EFCAB6: variants seen among roughly 807,000 people sequenced by gnomAD.
EFCAB6 encodes EF-hand calcium binding domain 6, also known as EF-hand calcium-binding domain-containing protein 6.
Under a neutral mutation model 169.8 loss-of-function variants are expected in EFCAB6, and 156 were observed. That is an observed-to-expected ratio of 0.92 (90% CI 0.81 to 1.05). EFCAB6 has a LOEUF of 1.05. EFCAB6 is among the 50% of genes least tolerant of loss of function. EFCAB6 has a pLI of 0.00. For missense variants in EFCAB6, 1,800 were observed against 1,829.1 expected (o/e 0.98, Z 0.29); for synonymous variants, 698 against 676.4 (o/e 1.03, Z -0.50).
chr22:43,609,431 C>A (rs544006092), intron 21 of EFCAB6, among the ~76,000 whole-genome samples: 1 of 152,226 alleles, frequency 6.6e-6, no homozygotes, highest in East Asian at 1.9e-4. Flanking sequence ...AAAGAATCCA[C>A]AAATAAATTA....
intron 25 of EFCAB6, 107 bp downstream of exon 25, chr22:43,580,357 C>T: frequency 8.2e-7 from 1 of 1,226,994 alleles, no homozygotes; most frequent in Non-Finnish European, 1.2e-6. Context: ...TAACTAGACA[C>T]CCCAAGGAGA....
chr22:43,765,265 T>C, intron 5 of EFCAB6, 40 bp downstream of exon 5: 1 of 1,516,592 alleles, frequency 6.6e-7, no homozygotes, highest in Non-Finnish European at 9.1e-7. Flanking sequence ...ACTCATCATT[T>C]CAAATTTCAC....
chr22:43,779,480 GCCT>G, intron 3 of EFCAB6, among the ~76,000 whole-genome samples: 1 of 152,328 alleles, frequency 6.6e-6, no homozygotes, highest in Non-Finnish European at 1.5e-5. Flanking sequence ...GGTGGCTCAT[GCCT>G]GTAATCCCAG....
intron 5 of EFCAB6, among the ~76,000 whole-genome samples, chr22:43,756,149 C>T (rs1022695822): frequency 1.3e-5 from 2 of 150,960 alleles, no homozygotes; most frequent in Non-Finnish European, 2.9e-5. Flanking sequence ...CCATTTAAGC[C>T]TCTCAACAGC....
At chr22:43,560,967 C>T (rs2048992611) in intron 26 of EFCAB6, among the ~76,000 whole-genome samples, 1 of 152,170 alleles carries the variant, frequency 6.6e-6, no homozygotes, top group South Asian at 2.1e-4. Context: ...AGGTGCTGGG[C>T]ACCTATCAGC....
At chr22:43,591,124 GTT>G (rs1169720525) in intron 23 of EFCAB6, among the ~76,000 whole-genome samples, 3 of 114,154 alleles carry the variant, frequency 2.6e-5, no homozygotes, top group Admixed American at 9.3e-5. Context: ...TTTTTTTTTT[GTT>G]TTTTTTTTGT....
chr22:43,568,071 C>T (rs986956845), intron 26 of EFCAB6, among the ~76,000 whole-genome samples: 2 of 152,188 alleles, frequency 1.3e-5, no homozygotes, highest in Non-Finnish European at 2.9e-5. Flanking sequence ...ACCCCCACTC[C>T]TGAAGAAGCT....
Position 43,572,232 on chromosome 22 carries a change from GA to G in EFCAB6, c.3420+4064del, listed in dbSNP as rs1012946829. On this transcript the variant is annotated intron_variant, in intron 26 of 31. Coordinates refer to ENST00000262726, the MANE Select transcript of EFCAB6 (RefSeq NM_022785.4). The surrounding 1 kb of genome is among the most constrained non-coding windows in gnomAD (Gnocchi z 4.0). ...AGGTGAAGGCAACTCTTTGTGATGC[GA>G]ACTGGGCAGAACTAACCAATGTTGC... Among the ~76,000 whole-genome samples the G allele has an allele frequency of 6.6e-6, 1 of 152,154 alleles. No individual in the cohort carries two copies. Among genetic ancestry groups the G allele is most frequent in the Non-Finnish European group, 1.5e-5 (1 of 68,026 alleles).
At chr22:43,764,554 C>T (rs2061267474) in intron 5 of EFCAB6, among the ~76,000 whole-genome samples, 1 of 152,080 alleles carries the variant, frequency 6.6e-6, no homozygotes, top group African/African-American at 2.4e-5. Context: ...TGGGTATATA[C>T]CTAGTAATGG....
At position 43,731,818 on chromosome 22, in the gene EFCAB6, TAC is replaced by T. The variant is rs1569451664; in HGVS notation, c.645-9_645-8del. The T allele has an allele frequency of 5.2e-6, 8 of 1,533,962 alleles. No homozygotes were observed. Among genetic ancestry groups the T allele is most frequent in the Non-Finnish European group, 7.0e-6 (8 of 1,137,916 alleles). ...GTTGTAGTGTTTCGAAAACCTAAAA[TAC>T]AAATGTTCTTTAGTAATGAGAAATT... On this transcript the variant is annotated splice_region_variant and splice_polypyrimidine_tract_variant and intron_variant, in intron 7 of 31. Coordinates refer to ENST00000262726, the MANE Select transcript of EFCAB6 (RefSeq NM_022785.4).
At chr22:43,577,125 G>A (rs1331185517) in intron 25 of EFCAB6, among the ~76,000 whole-genome samples, 2 of 152,196 alleles carry the variant, frequency 1.3e-5, no homozygotes, top group Non-Finnish European at 2.9e-5. Context: ...GTCTGCACTG[G>A]AGCAGCGGGG....
chr22:43,659,617 G>A (rs911259122), intron 17 of EFCAB6, among the ~76,000 whole-genome samples: 2 of 151,958 alleles, frequency 1.3e-5, no homozygotes, highest in Non-Finnish European at 2.9e-5. Context: ...CCCTGATCAC[G>A]CCACTGCATT....
At chr22:43,687,185 T>C (rs1213509646) in intron 11 of EFCAB6, among the ~76,000 whole-genome samples, 2 of 152,228 alleles carry the variant, frequency 1.3e-5, no homozygotes, top group Non-Finnish European at 2.9e-5. Context: ...TTGTGGTCCA[T>C]AGCTGTCTCC....
chr22:43,621,713 A>T (rs1175629175), intron 20 of EFCAB6, among the ~76,000 whole-genome samples: 1 of 152,158 alleles, frequency 6.6e-6, no homozygotes, highest in Admixed American at 6.5e-5. Flanking sequence ...AATAAAATTG[A>T]AATCAGAAAA....
At chr22:43,653,652 C>T (rs906641678) in intron 17 of EFCAB6, among the ~76,000 whole-genome samples, 2 of 152,150 alleles carry the variant, frequency 1.3e-5, no homozygotes, top group Non-Finnish European at 1.5e-5. Context: ...CCATGATCAG[C>T]TTACCTGGAG....
In EFCAB6 at chr22:43,539,707, G is replaced by A. The variant is rs146806706; in HGVS notation, c.3879+420C>T. Reference sequence around the variant, plus strand: ...CACGTCTGAGGGACCAAGATCACATGAGAATGCCTCTTAGAGCCTCACTGT... The same window carrying A: ...CACGTCTGAGGGACCAAGATCACATAAGAATGCCTCTTAGAGCCTCACTGT... On this transcript the variant is annotated intron_variant, in intron 28 of 31. Coordinates refer to ENST00000262726, the MANE Select transcript of EFCAB6 (RefSeq NM_022785.4). Among the ~76,000 whole-genome samples the A allele has an allele frequency of 2.4e-3, 366 of 152,336 alleles. 1 individual carries two copies. The highest frequency in any genetic ancestry group is 0.014 in the Middle Eastern group (4 of 294).
At chr22:43,548,738 G>C (rs1160390248) in intron 27 of EFCAB6, among the ~76,000 whole-genome samples, 1 of 151,970 alleles carries the variant, frequency 6.6e-6, no homozygotes, top group Non-Finnish European at 1.5e-5. Context: ...TCTTAGTGAT[G>C]GATGGGCCAA....
chr22:43,698,625 G>A (rs143776339), intron 10 of EFCAB6, among the ~76,000 whole-genome samples: 2 of 152,278 alleles, frequency 1.3e-5, no homozygotes, highest in East Asian at 3.9e-4. Flanking sequence ...TACAGAGTTG[G>A]CTAAGAGGAA....
At chr22:43,637,034 GC>G (rs1340754958) in intron 17 of EFCAB6, among the ~76,000 whole-genome samples, 1 of 152,182 alleles carries the variant, frequency 6.6e-6, no homozygotes, top group African/African-American at 2.4e-5. Flanking sequence ...AAGCAGCTCT[GC>G]CATGGAGCCC....
Sources: allele counts gnomAD v4.1 joint callset (sites outside exome capture counted in the v4.1 genomes callset), GRCh38; gene constraint gnomAD v4.1.1; non-coding constraint Gnocchi (gnomAD v3.1); transcripts MANE v1.5; gene names NCBI Gene and HGNC (gene_info 2026-07-23, HGNC 2026-07-21).